Variants in IMPG2 observed in about 807,000 individuals in gnomAD.
IMPG2 encodes IPM 200.
A neutral mutation model predicts 129.2 loss-of-function variants in IMPG2; 91 were observed. The observed-to-expected ratio is 0.70, with a 90% CI of 0.59 to 0.84. The LOEUF (loss-of-function observed/expected upper bound fraction) is 0.84, where lower values mean the gene tolerates loss of function less well. Among genes scored for constraint, IMPG2 ranks in the 40% least tolerant of loss-of-function variants. The probability of loss-of-function intolerance (pLI) is 0.00; values close to 1 mark genes in which losing one functional copy is unlikely to be tolerated. For missense variants in IMPG2, 1,430 were observed against 1,461.7 expected, an observed-to-expected ratio of 0.98 and a Z score of 0.35; for synonymous variants, 510 against 517.7, an observed-to-expected ratio of 0.99 and a Z score of 0.20.
intron 6 of IMPG2, 126 bp from the exon 7 acceptor site, chr3:101,273,868 G>A (rs1211955576): frequency 2.5e-5 from 24 of 970,678 alleles, no homozygotes; most frequent in African/African-American, 1.3e-4. Flanking sequence ...TTATTATTTC[G>A]TATTTGACTT....
chr3:101,261,440 C>G (rs1316549462), intron 9 of IMPG2, among the ~76,000 whole-genome samples: 1 of 152,012 alleles, frequency 6.6e-6, no homozygotes, highest in Non-Finnish European at 1.5e-5. Context: ...GAGAAATGTT[C>G]CTGGATCAAG....
rs781250081 is a variant in IMPG2, at chr3:101,320,393, TGAG to T, written c.-24_-22del. The T allele has an allele frequency of 1.4e-6, 2 of 1,478,460 alleles. No individual in the cohort carries two copies. The highest frequency in any genetic ancestry group is 4.6e-5 in the East Asian group (2 of 43,956). 91.6% of individuals were successfully genotyped at this position (1,478,460 alleles called of 1,614,324 possible). On this transcript the variant is annotated 5_prime_UTR_variant, in exon 1 of 19. Coordinates refer to ENST00000193391, the MANE Select transcript of IMPG2 (RefSeq NM_016247.4). ...ATCATTTGGGCCAAAACCAAAGGAATGAGGAGAGGACAGAATCCTTAATTGAGT... is the reference window on the plus strand; with the variant it reads ...ATCATTTGGGCCAAAACCAAAGGAATGAGAGGACAGAATCCTTAATTGAGT...
At chr3:101,260,141 T>C (rs62282872) in intron 9 of IMPG2, among the ~76,000 whole-genome samples, 22,912 of 152,046 alleles carry the variant, frequency 0.15, 1,840 homozygotes, top group African/African-American at 0.19. Context: ...ACGTGACACT[T>C]CCACCTGCCA....
At chr3:101,248,579 A>G (rs1270207223) in intron 11 of IMPG2, among the ~76,000 whole-genome samples, 3 of 152,160 alleles carry the variant, frequency 2.0e-5, no homozygotes, top group African/African-American at 4.8e-5. Context: ...CAGAGGAGGG[A>G]CCATGAGGCA....
chr3:101,278,192 G>A (rs1268192263), intron 4 of IMPG2, among the ~76,000 whole-genome samples: 1 of 152,210 alleles, frequency 6.6e-6, no homozygotes, highest in Non-Finnish European at 1.5e-5. Flanking sequence ...CCAAGATTGT[G>A]CCACTGCACT....
chr3:101,285,793 T>G (rs1706939902), intron 4 of IMPG2, among the ~76,000 whole-genome samples: 1 of 152,226 alleles, frequency 6.6e-6, no homozygotes, highest in Middle Eastern at 3.2e-3. Context: ...TAAATTTTTA[T>G]AAATTTTGGT....
At chr3:101,239,899 T>A (rs1022910720) in intron 14 of IMPG2, among the ~76,000 whole-genome samples, 8 of 152,166 alleles carry the variant, frequency 5.3e-5, no homozygotes, top group African/African-American at 1.9e-4. Flanking sequence ...GAGGGGAACA[T>A]CACACATGGG....
At chr3:101,240,454 G>T (rs775791833) in intron 14 of IMPG2, among the ~76,000 whole-genome samples, 2 of 151,928 alleles carry the variant, frequency 1.3e-5, no homozygotes, top group African/African-American at 4.8e-5. Flanking sequence ...ATTGACCTTC[G>T]CAAAAGTTTT....
chr3:101,296,805 T>C (rs769104792), intron 3 of IMPG2, among the ~76,000 whole-genome samples: 3 of 152,222 alleles, frequency 2.0e-5, no homozygotes, highest in Non-Finnish European at 4.4e-5. Flanking sequence ...TGATTTAGTC[T>C]TGGGAGGGTG....
In IMPG2 at chr3:101,225,817, G is replaced by C. The variant is rs1275128534; in HGVS notation, c.*1152C>G. ...AGCAACCCATTCAAAAAAAACACTA[G>C]GGGGAAAGAGGAAAATTTCCATTTT... On this transcript the variant is annotated 3_prime_UTR_variant, in exon 19 of 19. Coordinates refer to ENST00000193391, the MANE Select transcript of IMPG2 (RefSeq NM_016247.4). 1 of 152,030 alleles carries C rather than the reference G, an allele frequency of 6.6e-6. No individual in the cohort carries two copies. The highest frequency in any genetic ancestry group is 1.9e-4 in the East Asian group (1 of 5,178). 9.4% of individuals were successfully genotyped at this position (152,030 alleles called of 1,614,324 possible).
chr3:101,283,988 G>C (rs1706919650), intron 4 of IMPG2, among the ~76,000 whole-genome samples: 1 of 152,208 alleles, frequency 6.6e-6, no homozygotes, highest in Non-Finnish European at 1.5e-5. Context: ...AAAGATGCTG[G>C]TGGCTCATAC....
intron 8 of IMPG2, among the ~76,000 whole-genome samples, chr3:101,268,385 T>C (rs1229802813): frequency 6.6e-6 from 1 of 152,192 alleles, no homozygotes; most frequent in Non-Finnish European, 1.5e-5. Flanking sequence ...GGCAGCATCC[T>C]GTTTGAAAAC....
chr3:101,233,064 A>G, intron 14 of IMPG2, 73 bp from the exon 15 acceptor site: 2 of 1,385,406 alleles, frequency 1.4e-6, no homozygotes, highest in South Asian at 2.3e-5. Context: ...GCCCTTCATT[A>G]AAGTTCTCCC....
At chr3:101,294,036 T>C (rs1707051012) in intron 3 of IMPG2, among the ~76,000 whole-genome samples, 1 of 152,208 alleles carries the variant, frequency 6.6e-6, no homozygotes, top group South Asian at 2.1e-4. Flanking sequence ...TTATCACTAA[T>C]ATGCTCACTG....
At chr3:101,274,861 C>T (rs1408044832) in intron 6 of IMPG2, among the ~76,000 whole-genome samples, 3 of 152,046 alleles carry the variant, frequency 2.0e-5, no homozygotes, top group Non-Finnish European at 4.4e-5. Flanking sequence ...CACGGTTATA[C>T]TTAGGATAAA....
At chr3:101,249,276 G>A (rs1272813147) in intron 11 of IMPG2, among the ~76,000 whole-genome samples, 1 of 152,162 alleles carries the variant, frequency 6.6e-6, no homozygotes, top group Non-Finnish European at 1.5e-5. Flanking sequence ...CCCTGGATGA[G>A]TGATATTATG....
At chr3:101,314,365 C>A (rs2058772495) in intron 2 of IMPG2, among the ~76,000 whole-genome samples, 1 of 152,098 alleles carries the variant, frequency 6.6e-6, no homozygotes, top group Non-Finnish European at 1.5e-5. Flanking sequence ...GGGTGTCCTG[C>A]ATTTTTATAT....
At chr3:101,316,043 T>C (rs2058782554) in intron 2 of IMPG2, among the ~76,000 whole-genome samples, 1 of 152,072 alleles carries the variant, frequency 6.6e-6, no homozygotes, top group East Asian at 1.9e-4. Flanking sequence ...TTTTAACAAA[T>C]GGTATTGGAA....
chr3:101,227,762 T>A (rs564036151), intron 18 of IMPG2: 1 of 455,314 alleles, frequency 2.2e-6, no homozygotes, highest in African/African-American at 2.0e-5. Flanking sequence ...TTTAGAGTTA[T>A]CTCTACCATG....
Sources: gnomAD v4.1 joint callset for allele counts (sites outside exome capture counted in the v4.1 genomes callset) on GRCh38, gnomAD v4.1.1 for gene constraint, MANE v1.5 for transcripts, NCBI Gene and HGNC (gene_info 2026-07-23, HGNC 2026-07-21) for gene names.